PLEKHG1: variants seen among roughly 807,000 people sequenced by gnomAD.
PLEKHG1 encodes the protein pleckstrin homology and RhoGEF domain containing G1.
A neutral mutation model predicts 100.8 loss-of-function variants in PLEKHG1; 44 were observed. That is an observed-to-expected ratio of 0.44 (90% confidence interval 0.34 to 0.56). The LOEUF (loss-of-function observed/expected upper bound fraction) is 0.56, where lower values mean the gene tolerates loss of function less well. Ranked by LOEUF, PLEKHG1 falls within the 20% of genes least tolerant of loss-of-function variation. The pLI is 0.01. For missense variants in PLEKHG1, 1,545 were observed against 1,720.9 expected (o/e 0.90, Z 1.81); for synonymous variants, 640 against 662.5 (o/e 0.97, Z 0.52).
At chr6:150,828,397 T>C in intron 14 of PLEKHG1, 2 of 1,583,032 alleles carry the variant, frequency 1.3e-6, no homozygotes, top group Non-Finnish European at 1.7e-6. Context: ...CTACAGCTGC[T>C]ATCCCATGCC....
intron 1 of PLEKHG1, among the ~76,000 whole-genome samples, chr6:150,620,785 C>T (rs765425212): frequency 5.5e-4 from 84 of 152,198 alleles, no homozygotes; most frequent in Non-Finnish European, 1.0e-3. Context: ...GCTCTGCCCT[C>T]GTGGGGTTTG....
intron 3 of PLEKHG1, among the ~76,000 whole-genome samples, chr6:150,713,944 A>G (rs1781331113): frequency 1.3e-5 from 2 of 152,270 alleles, no homozygotes; most frequent in African/African-American, 4.8e-5. Context: ...CTCTGAAACT[A>G]TAAGAGAATC....
intron 3 of PLEKHG1, among the ~76,000 whole-genome samples, chr6:150,772,173 G>T (rs1328826305): frequency 6.6e-6 from 1 of 152,162 alleles, no homozygotes; most frequent in Non-Finnish European, 1.5e-5. Flanking sequence ...TCCCATCACA[G>T]CAGATTTCAA....
intron 4 of PLEKHG1, among the ~76,000 whole-genome samples, chr6:150,795,570 A>T (rs1786276183): frequency 6.6e-6 from 1 of 151,058 alleles, no homozygotes; most frequent in Non-Finnish European, 1.5e-5. Context: ...ATTGAAATCC[A>T]CCAAAGCCGG....
chr6:150,649,841 C>G (rs1443625587), intron 2 of PLEKHG1, among the ~76,000 whole-genome samples: 2 of 152,116 alleles, frequency 1.3e-5, no homozygotes, highest in African/African-American at 2.4e-5. Flanking sequence ...GAAACCCTGT[C>G]TCTACTAAAA....
intron 1 of PLEKHG1, among the ~76,000 whole-genome samples, chr6:150,722,326 CT>C (rs973026229): frequency 1.3e-4 from 13 of 98,594 alleles, no homozygotes; most frequent in African/African-American, 8.7e-4. Context: ...TCTCTGCCTC[CT>C]TTTCTTTTTT....
intron 1 of PLEKHG1, among the ~76,000 whole-genome samples, chr6:150,629,969 A>G (rs1777680459): frequency 6.6e-6 from 1 of 152,206 alleles, no homozygotes; most frequent in Non-Finnish European, 1.5e-5. Flanking sequence ...TTTTATTTAT[A>G]AAGTAAAAGT....
chr6:150,695,634 C>A (rs888303969), intron 3 of PLEKHG1, among the ~76,000 whole-genome samples: 5 of 152,150 alleles, frequency 3.3e-5, no homozygotes, highest in Non-Finnish European at 5.9e-5. Context: ...ATGGAATTCT[C>A]CTGAGGACTG....
At chr6:150,616,673 G>C (rs370200867) in intron 1 of PLEKHG1, among the ~76,000 whole-genome samples, 6 of 152,218 alleles carry the variant, frequency 3.9e-5, no homozygotes, top group African/African-American at 1.2e-4. Flanking sequence ...GAAAAATTCA[G>C]AAGCATTCTC....
intron 3 of PLEKHG1, among the ~76,000 whole-genome samples, chr6:150,785,180 T>C (rs916671775): frequency 6.6e-5 from 10 of 152,208 alleles, no homozygotes; most frequent in African/African-American, 2.4e-4. Flanking sequence ...TGGACCTTCT[T>C]AGAGCAGAAA....
At chr6:150,826,720 A>G (rs1001215555) in intron 14 of PLEKHG1, among the ~76,000 whole-genome samples, 1 of 152,024 alleles carries the variant, frequency 6.6e-6, no homozygotes, top group African/African-American at 2.4e-5. Flanking sequence ...ATGCAGTGGC[A>G]CGATCTCAGC....
At chr6:150,735,934 T>C (rs1782537321) in intron 2 of PLEKHG1, among the ~76,000 whole-genome samples, 1 of 152,256 alleles carries the variant, frequency 6.6e-6, no homozygotes, top group South Asian at 2.1e-4. Context: ...ACAGAATTTA[T>C]TTTTTCTAAG....
chr6:150,738,698 C>A (rs1782696794), intron 2 of PLEKHG1, among the ~76,000 whole-genome samples: 1 of 152,174 alleles, frequency 6.6e-6, no homozygotes, highest in South Asian at 2.1e-4. Flanking sequence ...TCTCTCTCAA[C>A]CCCTGTCCCC....
At chr6:150,689,231 T>G (rs1780252814) in intron 3 of PLEKHG1, among the ~76,000 whole-genome samples, 1 of 152,262 alleles carries the variant, frequency 6.6e-6, no homozygotes, top group Admixed American at 6.5e-5. Context: ...ATTTTATGAC[T>G]AATGAGATGG....
chr6:150,693,207 G>T (rs912648815), intron 3 of PLEKHG1, among the ~76,000 whole-genome samples: 64 of 152,244 alleles, frequency 4.2e-4, no homozygotes, highest in African/African-American at 1.4e-3. Context: ...AGAATCACTT[G>T]AACCTGGGAG....
intron 3 of PLEKHG1, among the ~76,000 whole-genome samples, chr6:150,688,984 C>G (rs541542962): frequency 6.6e-6 from 1 of 152,308 alleles, no homozygotes; most frequent in Admixed American, 6.5e-5. Context: ...ATTTTTATAA[C>G]TTTTTATCAC....
chr6:150,775,206 A>C (rs750369147), intron 3 of PLEKHG1, among the ~76,000 whole-genome samples: 5 of 152,222 alleles, frequency 3.3e-5, no homozygotes, highest in Non-Finnish European at 7.3e-5. Context: ...CTAAAATCCA[A>C]CAGCGTGTTT....
chr6:150,726,039 C>T (rs1399691369), intron 1 of PLEKHG1, among the ~76,000 whole-genome samples: 1 of 152,066 alleles, frequency 6.6e-6, no homozygotes, highest in Non-Finnish European at 1.5e-5. Flanking sequence ...CCACCTGACA[C>T]CACTCTTACG....
chr6:150,685,030 T>G (rs1780071083), intron 3 of PLEKHG1, among the ~76,000 whole-genome samples: 1 of 152,134 alleles, frequency 6.6e-6, no homozygotes, highest in African/African-American at 2.4e-5. Context: ...CCCTTGCAGT[T>G]TCCTGCAGTG....
Sources: allele counts gnomAD v4.1 joint callset (sites outside exome capture counted in the v4.1 genomes callset), GRCh38; gene constraint gnomAD v4.1.1; transcripts MANE v1.5; gene names NCBI Gene and HGNC (gene_info 2026-07-23, HGNC 2026-07-21).